KCTD5: variants seen among roughly 807,000 people sequenced by gnomAD.
KCTD5 encodes potassium channel tetramerization domain containing 5, also known as BTB/POZ domain-containing protein KCTD5.
Under a neutral mutation model 27.9 loss-of-function variants are expected in KCTD5, and 12 were observed. That is an observed-to-expected ratio of 0.43 (90% CI 0.28 to 0.70). The LOEUF (loss-of-function observed/expected upper bound fraction) is 0.70. Among genes scored for constraint, KCTD5 ranks in the 30% least tolerant of loss-of-function variants. KCTD5 has a pLI of 0.19. For missense variants in KCTD5, 226 were observed against 274.8 expected (o/e 0.82, Z 1.26); for synonymous variants, 147 against 121.4 (o/e 1.21, Z -1.39).
rs190348320 is a variant in KCTD5, at chr16:2,699,145, G to A, written c.454-676G>A. 181 of 456,094 alleles carry A rather than the reference G, an allele frequency of 4.0e-4. 1 individual carries two copies. Among genetic ancestry groups the A allele is most frequent in the African/African-American group, 3.0e-3 (151 of 50,192 alleles). 28.3% of individuals were successfully genotyped at this position (456,094 alleles called of 1,614,324 possible). A position where few individuals can be genotyped will look rare whatever the true frequency, so the allele number is the denominator to read the frequency against. ...CCTCTGAACCCCTTCTCACTGCTGCGTTTCCGTCCAGCCCCGTCTGCAGCC... is the reference window on the plus strand; with the variant it reads ...CCTCTGAACCCCTTCTCACTGCTGCATTTCCGTCCAGCCCCGTCTGCAGCC... On this transcript the variant is annotated intron_variant, in intron 3 of 5. Transcript: ENST00000301738.
rs2067646675 is a variant in KCTD5 at position 2,708,309 on chromosome 16, CTCTT to C, written c.*986_*989del. On this transcript the variant is annotated 3_prime_UTR_variant, in exon 6 of 6. Transcript: ENST00000301738. Reference sequence around the variant, plus strand: ...TTTGTATAACTATGCAGCCTTCCCTCTCTTTCTGGGATGTTTGGGACTTCACTCG... The same window carrying C: ...TTTGTATAACTATGCAGCCTTCCCTCTCTGGGATGTTTGGGACTTCACTCG... 6.5e-6 allele frequency: 1 copy of C among 152,724 alleles called. No homozygotes were observed. The highest frequency in any genetic ancestry group is 1.5e-5 in the Non-Finnish European group (1 of 68,070). 9.5% of individuals were successfully genotyped at this position (152,724 alleles called of 1,614,324 possible).
intron 3 of KCTD5, chr16:2,699,437 C>T (rs1213688928): frequency 2.8e-6 from 1 of 359,400 alleles, no homozygotes; most frequent in Non-Finnish European, 5.5e-6. Context: ...TCGTCTGGCA[C>T]TGGCTCTCAG....
intron 4 of KCTD5, among the ~76,000 whole-genome samples, chr16:2,701,759 G>A (rs370951671): frequency 6.6e-6 from 1 of 152,344 alleles, no homozygotes; most frequent in African/African-American, 2.4e-5. Context: ...AAGCACAGAA[G>A]TGCCTGGTGG....
intron 4 of KCTD5, among the ~76,000 whole-genome samples, chr16:2,701,364 G>A (rs1032633218): frequency 6.6e-6 from 1 of 152,214 alleles, no homozygotes; most frequent in Non-Finnish European, 1.5e-5. Context: ...GGGACCCTGC[G>A]GGGTGCTGGG....
At chr16:2,702,773 C>T (rs543569944) in intron 5 of KCTD5, among the ~76,000 whole-genome samples, 29 of 147,622 alleles carry the variant, frequency 2.0e-4, no homozygotes, top group Non-Finnish European at 3.6e-4. Context: ...TCAGGGGACC[C>T]AGGGTCCTCT....
Position 2,707,491 on chromosome 16 carries a change from G to C in KCTD5, c.*164G>C. The C allele has an allele frequency of 1.3e-6, 1 of 776,774 alleles. No individual in the cohort carries two copies. Among genetic ancestry groups the C allele is most frequent in the Non-Finnish European group, 2.2e-6 (1 of 445,014 alleles). The allele number at this position is 776,774 out of a possible 1,614,324, so 48.1% of individuals were successfully genotyped here. A position where few individuals can be genotyped will look rare whatever the true frequency, so the allele number is the denominator to read the frequency against. ...GCCTCTGAGGTGGGTGGTGAGAGAC[G>C]GGCCCAGCTGTCCAAGGCCAGACGT... On this transcript the variant is annotated 3_prime_UTR_variant, in exon 6 of 6. Coordinates refer to ENST00000301738, the MANE Select transcript of KCTD5 (RefSeq NM_018992.4).
At chr16:2,703,616 G>A (rs3785342) in intron 5 of KCTD5, among the ~76,000 whole-genome samples, 1 of 152,198 alleles carries the variant, frequency 6.6e-6, no homozygotes, top group African/African-American at 2.4e-5. Context: ...GGGTGGGGCC[G>A]CCAAGCATGT....
At chr16:2,685,180 C>G (rs1183814765) in intron 1 of KCTD5, among the ~76,000 whole-genome samples, 1 of 152,058 alleles carries the variant, frequency 6.6e-6, no homozygotes, top group Non-Finnish European at 1.5e-5. Context: ...AATCCCAGCA[C>G]TTTGGGAGGC....
chr16:2,693,604 C>A (rs577573444), intron 1 of KCTD5, among the ~76,000 whole-genome samples: 2 of 152,242 alleles, frequency 1.3e-5, no homozygotes, highest in African/African-American at 4.8e-5. Flanking sequence ...GCCGTCCCCA[C>A]CCTGCCCTCC....
chr16:2,685,292 G>A (rs2067535961), intron 1 of KCTD5, among the ~76,000 whole-genome samples: 1 of 151,966 alleles, frequency 6.6e-6, no homozygotes, highest in African/African-American at 2.4e-5. Context: ...GCTGGGCATG[G>A]TGGCGCGTGC....
chr16:2,708,086 G>C lies in KCTD5; in HGVS notation c.*759G>C, dbSNP rs920467977. 3 of 152,768 alleles carry C rather than the reference G, an allele frequency of 2.0e-5. No individual in the cohort carries two copies. Among genetic ancestry groups the C allele is most frequent in the Admixed American group, 6.5e-5 (1 of 15,290 alleles). The allele number at this position is 152,768 out of a possible 1,614,324, so 9.5% of individuals were successfully genotyped here. ...TGATCTGTTCCATCCGTTAGCGCGA[G>C]GTAGCAGTGTCGCCTCGCCCCTCCC... On this transcript the variant is annotated 3_prime_UTR_variant, in exon 6 of 6. Coordinates refer to ENST00000301738, the MANE Select transcript of KCTD5 (RefSeq NM_018992.4).
chr16:2,691,776 A>G (rs1400543952), intron 1 of KCTD5, among the ~76,000 whole-genome samples: 1 of 151,794 alleles, frequency 6.6e-6, no homozygotes, highest in South Asian at 2.1e-4. Context: ...AAGCATCTGG[A>G]CTCCTGGAAG....
rs765425537 is a variant in KCTD5 at position 2,707,443 on chromosome 16, G to C, written c.*116G>C. 1.1e-5 allele frequency: 12 copies of C among 1,104,228 alleles called. No homozygotes were observed. In the South Asian group the frequency reaches 1.4e-4, roughly 13 times the overall value. 68.4% of individuals were successfully genotyped at this position (1,104,228 alleles called of 1,614,324 possible). A position where few individuals can be genotyped will look rare whatever the true frequency, so the allele number is the denominator to read the frequency against. On this transcript the variant is annotated 3_prime_UTR_variant, in exon 6 of 6. Transcript: ENST00000301738. ...ACCTGCTTTTGATCATTTTTCTAGA[G>C]ATCTGGGTGTGAATCCTTTTTTGCC... is the stretch of plus-strand genomic sequence containing the variant.
At chr16:2,691,674 G>T (rs910330421) in intron 1 of KCTD5, among the ~76,000 whole-genome samples, 1 of 152,210 alleles carries the variant, frequency 6.6e-6, no homozygotes, top group Non-Finnish European at 1.5e-5. Context: ...GGGGCGGCGG[G>T]GGTGTGGAGC....
rs1449673827 is a variant in KCTD5, at chr16:2,687,743, C to T, written c.252+4943C>T. 2.2e-5 allele frequency among the ~76,000 whole-genome samples: 3 copies of T among 133,344 alleles called. No homozygotes were observed. The East Asian group carries it at 5.9e-4, about 26-fold the overall frequency. 87.5% of individuals were successfully genotyped at this position (133,344 alleles called of 152,430 possible). ...TAGGCACTTTGGTTCTTTTAGCAGC[C>T]CCCCTCCACGCCCCAGGTAAGCAGT... On this transcript the variant is annotated intron_variant, in intron 1 of 5. Coordinates refer to ENST00000301738, the MANE Select transcript of KCTD5 (RefSeq NM_018992.4).
At chr16:2,706,441 G>A (rs2067636315) in intron 5 of KCTD5, among the ~76,000 whole-genome samples, 1 of 152,206 alleles carries the variant, frequency 6.6e-6, no homozygotes, top group Non-Finnish European at 1.5e-5. Context: ...AGGCTGGCTG[G>A]CTCCGAAGCT....
intron 1 of KCTD5, among the ~76,000 whole-genome samples, chr16:2,684,984 AG>A (rs2067534508): frequency 6.6e-6 from 1 of 152,130 alleles, no homozygotes; most frequent in East Asian, 1.9e-4. Context: ...TCTTTGAGCG[AG>A]GGGTAATTAA....
At chr16:2,683,170 T>A in intron 1 of KCTD5, 1 of 184,650 alleles carries the variant, frequency 5.4e-6, no homozygotes, top group Non-Finnish European at 1.1e-5. Context: ...ACGCCTTCTC[T>A]TCTCTGTCCC....
intron 1 of KCTD5, among the ~76,000 whole-genome samples, chr16:2,689,855 T>G (rs2067557524): frequency 1.3e-5 from 2 of 152,204 alleles, no homozygotes; most frequent in African/African-American, 4.8e-5. Flanking sequence ...TGTGTATTTT[T>G]AGTAGAGACA....
Sources: allele counts gnomAD v4.1 joint callset (sites outside exome capture counted in the v4.1 genomes callset), GRCh38; gene constraint gnomAD v4.1.1; transcripts MANE v1.5; gene names NCBI Gene and HGNC (gene_info 2026-07-23, HGNC 2026-07-21).